The following PCDH15 variants were observed in gnomAD, a reference collection of about 807,000 sequenced individuals.
PCDH15 encodes protocadherin-15.
PCDH15 carries 129 observed loss-of-function variants against 178.5 expected under a neutral mutation model. That is an observed-to-expected ratio of 0.72 (90% CI 0.63 to 0.84). The LOEUF (loss-of-function observed/expected upper bound fraction) is 0.84, where lower values mean the gene tolerates loss of function less well. Among genes scored for constraint, PCDH15 ranks in the 40% least tolerant of loss-of-function variants. The pLI, the probability that PCDH15 is intolerant of heterozygous loss-of-function variation, is 0.00. For synonymous variants in PCDH15, 800 were observed against 732.0 expected (o/e 1.09, Z -1.50); for missense variants, 2,230 against 2,099.9 (o/e 1.06, Z -1.21).
At chr10:54,645,918 C>A (rs2094120667) in intron 2 of PCDH15, among the ~76,000 whole-genome samples, 1 of 152,004 alleles carries the variant, frequency 6.6e-6, no homozygotes, top group Non-Finnish European at 1.5e-5. Flanking sequence ...TACTATTATT[C>A]TTGATTATGG....
chr10:55,447,630 A>G (rs1351430100), intron 2 of PCDH15, among the ~76,000 whole-genome samples: 1 of 152,062 alleles, frequency 6.6e-6, no homozygotes, highest in African/African-American at 2.4e-5. Context: ...ATTCCCTGCA[A>G]ACTAAACCGA....
intron 3 of PCDH15, among the ~76,000 whole-genome samples, chr10:54,519,627 G>C (rs1245663821): frequency 6.6e-6 from 1 of 152,022 alleles, no homozygotes; most frequent in Non-Finnish European, 1.5e-5. Flanking sequence ...TGTGAAAATG[G>C]CCATACTGCC....
At chr10:54,226,016 C>G (rs2053402234) in intron 9 of PCDH15, among the ~76,000 whole-genome samples, 1 of 152,038 alleles carries the variant, frequency 6.6e-6, no homozygotes, top group Non-Finnish European at 1.5e-5. Flanking sequence ...TTAGTACTGA[C>G]AGTGAGAAAG....
intron 2 of PCDH15, among the ~76,000 whole-genome samples, chr10:54,649,315 A>G (rs1248963950): frequency 1.3e-5 from 2 of 152,180 alleles, no homozygotes; most frequent in Non-Finnish European, 2.9e-5. Context: ...TAAATTACAT[A>G]TATGAAATAT....
At chr10:53,810,759 C>G (rs2075835312) in intron 36 of PCDH15, 95 bp from the exon 37 acceptor site, 1 of 1,135,628 alleles carries the variant, frequency 8.8e-7, no homozygotes, top group African/African-American at 1.5e-5. Context: ...TTCCGCCATT[C>G]AATCGACAGA....
In PCDH15 at chr10:54,258,012, T is replaced by TA. The variant is rs967357302; in HGVS notation, c.877-21082dup. The stretch of plus-strand genomic sequence containing the variant: ...GTCAGTATTAAAAGGGCTTAACGAT[T>TA]AAAAAAAAATCAGATGTTTAACATG... On this transcript the variant is annotated intron_variant, in intron 8 of 37. Coordinates refer to ENST00000644397, the MANE Select transcript of PCDH15 (RefSeq NM_001384140.1). 7.9e-5 allele frequency among the ~76,000 whole-genome samples: 12 copies of TA among 151,728 alleles called. No homozygotes were observed. The East Asian group carries it at 1.2e-3, about 15-fold the overall frequency.
At chr10:55,023,853 A>G (rs1027540602) in intron 2 of PCDH15, among the ~76,000 whole-genome samples, 2 of 146,148 alleles carry the variant, frequency 1.4e-5, no homozygotes, top group African/African-American at 5.0e-5. Flanking sequence ...ATGCCTATAT[A>G]TATATATTCC....
At chr10:55,389,180 AG>A (rs1395953779) in intron 2 of PCDH15, among the ~76,000 whole-genome samples, 1 of 152,104 alleles carries the variant, frequency 6.6e-6, no homozygotes. Context: ...GTTTAAAAAA[AG>A]TGAATGGGGT....
chr10:55,182,323 TG>T (rs1263567178), intron 1 of PCDH15, among the ~76,000 whole-genome samples: 1 of 151,980 alleles, frequency 6.6e-6, no homozygotes, highest in Non-Finnish European at 1.5e-5. Context: ...CCTACTTTTC[TG>T]TATCTACCAT....
At chr10:55,396,439 G>A (rs185617813) in intron 2 of PCDH15, among the ~76,000 whole-genome samples, 16 of 152,278 alleles carry the variant, frequency 1.1e-4, no homozygotes, top group East Asian at 3.9e-4. Flanking sequence ...ACTTTATAGT[G>A]ATAGTTTGTC....
At chr10:55,155,098 T>C (rs909381936) in intron 2 of PCDH15, among the ~76,000 whole-genome samples, 3 of 151,892 alleles carry the variant, frequency 2.0e-5, no homozygotes, top group African/African-American at 7.2e-5. Flanking sequence ...TATAATAGTA[T>C]AGATACCACA....
intron 2 of PCDH15, among the ~76,000 whole-genome samples, chr10:55,598,780 A>T (rs958863225): frequency 6.6e-6 from 1 of 152,020 alleles, no homozygotes; most frequent in Non-Finnish European, 1.5e-5. Flanking sequence ...AGTGCTCTAG[A>T]AATCACTATT....
At chr10:54,096,301 G>C (rs549761895) in intron 15 of PCDH15, among the ~76,000 whole-genome samples, 10 of 151,762 alleles carry the variant, frequency 6.6e-5, no homozygotes, top group Non-Finnish European at 1.5e-4. Context: ...TAGCCTTCTT[G>C]TTTCTCAATG....
At chr10:55,203,236 A>G (rs1840304331) in intron 1 of PCDH15, among the ~76,000 whole-genome samples, 1 of 152,032 alleles carries the variant, frequency 6.6e-6, no homozygotes, top group Non-Finnish European at 1.5e-5. Context: ...TTACACTTCT[A>G]ATTCCATAAA....
intron 1 of PCDH15, among the ~76,000 whole-genome samples, chr10:55,166,909 T>C (rs950006981): frequency 7.2e-5 from 11 of 152,100 alleles, no homozygotes; most frequent in African/African-American, 2.4e-4. Context: ...GGTTATATTC[T>C]TTACCCAGGA....
intron 3 of PCDH15, among the ~76,000 whole-genome samples, chr10:54,422,580 G>T (rs1955679214): frequency 6.6e-6 from 1 of 152,142 alleles, no homozygotes; most frequent in Non-Finnish European, 1.5e-5. Context: ...AGGATGTTTA[G>T]CAGTGTCTCT....
chr10:54,514,799 T>G (rs2082046840), intron 3 of PCDH15, among the ~76,000 whole-genome samples: 1 of 152,152 alleles, frequency 6.6e-6, no homozygotes. Context: ...TAGCAAAACT[T>G]TCATACTTGC....
chr10:53,964,702 T>G (rs1274072103), intron 21 of PCDH15, among the ~76,000 whole-genome samples: 6 of 152,096 alleles, frequency 3.9e-5, no homozygotes, highest in Admixed American at 3.3e-4. Context: ...TATAAACCAC[T>G]GATTTCACCT....
At chr10:54,485,167 A>C (rs1157429894) in intron 3 of PCDH15, among the ~76,000 whole-genome samples, 1 of 151,830 alleles carries the variant, frequency 6.6e-6, no homozygotes, top group Non-Finnish European at 1.5e-5. Flanking sequence ...GGAATCAAGC[A>C]GAAGTAATCC....
Sources: allele counts gnomAD v4.1 joint callset (sites outside exome capture counted in the v4.1 genomes callset), GRCh38; gene constraint gnomAD v4.1.1; transcripts MANE v1.5; gene names NCBI Gene and HGNC (gene_info 2026-07-23, HGNC 2026-07-21).